ZNF536: variants seen among roughly 807,000 people sequenced by gnomAD.
ZNF536 encodes the protein zinc finger protein 536.
In ZNF536, 13 loss-of-function variants were observed where a neutral mutation model predicts 84.5. The ratio of observed to expected loss-of-function variants is 0.15; its 90% CI spans 0.10 to 0.24. ZNF536 has a LOEUF of 0.24. Among genes scored for constraint, ZNF536 ranks in the 10% least tolerant of loss-of-function variants. The probability of loss-of-function intolerance (pLI) is 1.00; values close to 1 mark genes in which losing one functional copy is unlikely to be tolerated. For missense variants in ZNF536, 1,536 were observed against 1,747.5 expected (o/e 0.88, Z 2.16); for synonymous variants, 811 against 742.5 (o/e 1.09, Z -1.50).
chr19:30,428,801 A>G (rs2051323602), intron 1 of ZNF536, among the ~76,000 whole-genome samples: 1 of 152,200 alleles, frequency 6.6e-6, no homozygotes. Context: ...GCAGAGAGAA[A>G]CATTAATTGC....
At chr19:30,541,969 C>G (rs2045349001) in intron 3 of ZNF536, among the ~76,000 whole-genome samples, 1 of 152,112 alleles carries the variant, frequency 6.6e-6, no homozygotes, top group African/African-American at 2.4e-5. Flanking sequence ...AAGACACCAC[C>G]ATATTTATCT....
chr19:30,580,190 C>CATTG (rs759904619), intron 1 of ZNF536, among the ~76,000 whole-genome samples: 10 of 152,338 alleles, frequency 6.6e-5, no homozygotes, highest in African/African-American at 2.4e-4. Context: ...CAATGGCCAA[C>CATTG]ATTGGGTCCA....
At chr19:30,357,087 G>C (rs1328324003) in intron 3 of ZNF536, among the ~76,000 whole-genome samples, 1 of 152,212 alleles carries the variant, frequency 6.6e-6, no homozygotes, top group Admixed American at 6.5e-5. Flanking sequence ...AGTAAACAAG[G>C]AAACCAGTGG....
chr19:30,372,830 C>CA (rs1038885923), intron 1 of ZNF536, among the ~76,000 whole-genome samples: 4 of 19,100 alleles, frequency 2.1e-4, no homozygotes, highest in Admixed American at 1.7e-3. Context: ...CCATCACCCG[C>CA]CCCCCCCATC....
At chr19:30,423,233 A>G (rs2051059194) in intron 1 of ZNF536, among the ~76,000 whole-genome samples, 1 of 150,496 alleles carries the variant, frequency 6.6e-6, no homozygotes, top group Admixed American at 6.6e-5. Flanking sequence ...CCCTTCCTCC[A>G]CCCGCCCATT....
chr19:30,450,853 C>T (rs1294691166), intron 2 of ZNF536, among the ~76,000 whole-genome samples: 2 of 152,052 alleles, frequency 1.3e-5, no homozygotes, highest in Non-Finnish European at 2.9e-5. Flanking sequence ...CCCCAGCCCA[C>T]CCCAACTCCA....
chr19:30,361,900 T>C (rs758551733), intron 3 of ZNF536, among the ~76,000 whole-genome samples: 7 of 152,192 alleles, frequency 4.6e-5, no homozygotes, highest in Non-Finnish European at 7.3e-5. Flanking sequence ...AGACAAAGGC[T>C]CCTGTGTCCC....
chr19:30,345,219 G>C (rs1003377698), intron 2 of ZNF536, among the ~76,000 whole-genome samples: 1 of 138,406 alleles, frequency 7.2e-6, no homozygotes, highest in African/African-American at 2.7e-5. Context: ...AGTCAGTAGT[G>C]GGGGAGGACC....
chr19:30,273,444 G>T (rs193137087), intron 1 of ZNF536, among the ~76,000 whole-genome samples: 18 of 152,330 alleles, frequency 1.2e-4, no homozygotes, highest in African/African-American at 4.1e-4. Context: ...TAGGGGTGTA[G>T]TGGTATTTCA....
At chr19:30,309,691 C>T (rs915370870) in intron 2 of ZNF536, among the ~76,000 whole-genome samples, 3 of 152,158 alleles carry the variant, frequency 2.0e-5, no homozygotes, top group Non-Finnish European at 4.4e-5. Context: ...TGTGAGACCT[C>T]CTCATGACAA....
intron 1 of ZNF536, among the ~76,000 whole-genome samples, chr19:30,402,504 A>C (rs1211993654): frequency 6.6e-6 from 1 of 152,036 alleles, no homozygotes; most frequent in East Asian, 1.9e-4. Context: ...TTTAGGAGGA[A>C]GCAGCATTCA....
intron 4 of ZNF536, 87 bp from the exon 5 acceptor site, chr19:30,557,070 A>G (rs536328071): frequency 2.2e-6 from 3 of 1,394,398 alleles, no homozygotes; most frequent in Non-Finnish European, 3.0e-6. Context: ...TTAAACGATT[A>G]GGGGATGTGG....
At chr19:30,617,640 A>C (rs533427594) in intron 1 of ZNF536, among the ~76,000 whole-genome samples, 1 of 151,640 alleles carries the variant, frequency 6.6e-6, no homozygotes, top group Non-Finnish European at 1.5e-5. Context: ...ATGAGCCACC[A>C]CACCTGGCCT....
chr19:30,356,046 A>T (rs1046162889), intron 3 of ZNF536, among the ~76,000 whole-genome samples: 4 of 152,226 alleles, frequency 2.6e-5, no homozygotes, highest in African/African-American at 9.6e-5. Context: ...ACTCTTAAGC[A>T]CTGATTACAT....
chr19:30,242,404 T>C (rs1337537853), intron 1 of ZNF536, among the ~76,000 whole-genome samples: 1 of 152,118 alleles, frequency 6.6e-6, no homozygotes, highest in Non-Finnish European at 1.5e-5. Flanking sequence ...GTTATTTTTG[T>C]ATGGCAGCAT....
intron 3 of ZNF536, among the ~76,000 whole-genome samples, chr19:30,537,204 G>A (rs1032785385): frequency 2.0e-5 from 3 of 152,188 alleles, no homozygotes; most frequent in African/African-American, 7.2e-5. Context: ...GCGTCAATTC[G>A]TGAAAGTGAC....
chr19:30,258,746 C>T (rs1296628420), intron 1 of ZNF536, among the ~76,000 whole-genome samples: 1 of 151,294 alleles, frequency 6.6e-6, no homozygotes, highest in Non-Finnish European at 1.5e-5. Context: ...GAGACAGAGT[C>T]TTGCTTTGTC....
intron 1 of ZNF536, among the ~76,000 whole-genome samples, chr19:30,702,789 T>G (rs2052041154): frequency 1.3e-5 from 2 of 152,122 alleles, no homozygotes; most frequent in Admixed American, 1.3e-4. Context: ...TGGCAACCTG[T>G]TTCATTCATC....
At chr19:30,363,499 G>A (rs1600394790) in intron 3 of ZNF536, among the ~76,000 whole-genome samples, 1 of 152,048 alleles carries the variant, frequency 6.6e-6, no homozygotes, top group East Asian at 1.9e-4. Context: ...ACAGAGCCTG[G>A]CTACTCTACC....
Sources: gnomAD v4.1 joint callset for allele counts (sites outside exome capture counted in the v4.1 genomes callset) on GRCh38, gnomAD v4.1.1 for gene constraint, MANE v1.5 for transcripts, NCBI Gene and HGNC (gene_info 2026-07-23, HGNC 2026-07-21) for gene names.